The following AKAP6 variants were observed in gnomAD, a reference collection of about 807,000 sequenced individuals.
The protein encoded by AKAP6 is A-kinase anchoring protein 6, also known as A-kinase anchor protein 6.
In AKAP6, 58 loss-of-function variants were observed where a neutral mutation model predicts 188.5. The ratio of observed to expected loss-of-function variants is 0.31; its 90% CI spans 0.25 to 0.38. AKAP6 has a LOEUF of 0.38. Among genes scored for constraint, AKAP6 ranks in the 10% least tolerant of loss-of-function variants. The pLI, the probability that AKAP6 is intolerant of heterozygous loss-of-function variation, is 1.00. For synonymous variants in AKAP6, 989 were observed against 998.6 expected (o/e 0.99, Z 0.18); for missense variants, 2,710 against 2,740.0 (o/e 0.99, Z 0.24).
intron 4 of AKAP6, among the ~76,000 whole-genome samples, chr14:32,563,726 C>T (rs1242323736): frequency 6.6e-6 from 1 of 151,868 alleles, no homozygotes; most frequent in African/African-American, 2.4e-5. Context: ...TCTGCCTTGT[C>T]TTCCTGCCTT....
chr14:32,565,456 C>T (rs569540929), intron 4 of AKAP6, among the ~76,000 whole-genome samples: 18 of 152,278 alleles, frequency 1.2e-4, no homozygotes, highest in African/African-American at 4.3e-4. Flanking sequence ...TCCATTCTAC[C>T]TTTGAGTACT....
At chr14:32,674,673 G>T (rs1289268758) in intron 7 of AKAP6, among the ~76,000 whole-genome samples, 1 of 152,150 alleles carries the variant, frequency 6.6e-6, no homozygotes, top group Admixed American at 6.6e-5. Flanking sequence ...TGAGAATGAA[G>T]GGTTCTGTTT....
At chr14:32,587,664 T>A (rs1885310423) in intron 5 of AKAP6, among the ~76,000 whole-genome samples, 1 of 152,142 alleles carries the variant, frequency 6.6e-6, no homozygotes, top group Non-Finnish European at 1.5e-5. Context: ...GCCGTTCTCT[T>A]TTTGAGGCTC....
intron 12 of AKAP6, among the ~76,000 whole-genome samples, chr14:32,789,830 A>G (rs969495234): frequency 2.0e-5 from 3 of 152,172 alleles, no homozygotes; most frequent in African/African-American, 7.2e-5. Flanking sequence ...TATGACTGCA[A>G]CACCTCTCCA....
At chr14:32,403,791 G>T (rs1399472357) in intron 1 of AKAP6, among the ~76,000 whole-genome samples, 8 of 152,182 alleles carry the variant, frequency 5.3e-5, no homozygotes, top group African/African-American at 1.7e-4. Flanking sequence ...TTTTGTTGTT[G>T]TTCAACTGTA....
chr14:32,377,119 C>T (rs1448875542), intron 1 of AKAP6, among the ~76,000 whole-genome samples: 1 of 152,226 alleles, frequency 6.6e-6, no homozygotes, highest in Non-Finnish European at 1.5e-5. Flanking sequence ...GTCCTGGAAA[C>T]ATCACTTTTC....
intron 11 of AKAP6, among the ~76,000 whole-genome samples, chr14:32,748,248 C>A (rs996019823): frequency 3.9e-5 from 6 of 152,276 alleles, no homozygotes; most frequent in African/African-American, 1.4e-4. Context: ...AGTTTAGAGG[C>A]TTAAGTGTGG....
Position 32,836,109 on chromosome 14 carries a change from T to G in AKAP6, c.*6304T>G, listed in dbSNP as rs1420875685. The G allele has an allele frequency of 6.6e-6, 1 of 152,258 alleles. No individual in the cohort carries two copies. Among genetic ancestry groups the G allele is most frequent in the African/African-American group, 2.4e-5 (1 of 41,472 alleles). 9.4% of individuals were successfully genotyped at this position (152,258 alleles called of 1,614,324 possible). On this transcript the variant is annotated 3_prime_UTR_variant, in exon 14 of 14. Coordinates refer to ENST00000280979, the MANE Select transcript of AKAP6 (RefSeq NM_004274.5). ...CATTGCCTGCATAAAGCAACTCTTT[T>G]GTCTCTTTTCCATTGCAACACACAG...
chr14:32,811,241 G>GAAAAAAAAAAAAAAAAAAAAAAAAAAA (rs529886144), intron 12 of AKAP6, among the ~76,000 whole-genome samples: 5 of 55,598 alleles, frequency 9.0e-5, no homozygotes, highest in Admixed American at 1.5e-4. Context: ...TCCGTCTCAG[G>GAAAAAAAAAAAAAAAAAAAAAAAAAAA]AAAAAAAAAA....
At chr14:32,574,747 T>A (rs1566583564) in intron 4 of AKAP6, among the ~76,000 whole-genome samples, 1 of 152,210 alleles carries the variant, frequency 6.6e-6, no homozygotes, top group Non-Finnish European at 1.5e-5. Flanking sequence ...AAAAACTGTT[T>A]AATGCTGCAA....
At chr14:32,506,648 A>G (rs1486010868) in intron 2 of AKAP6, among the ~76,000 whole-genome samples, 1 of 152,078 alleles carries the variant, frequency 6.6e-6, no homozygotes, top group African/African-American at 2.4e-5. Context: ...TTCAAGAACT[A>G]TGACTTTTGT....
chr14:32,608,146 T>C (rs1250275270), intron 7 of AKAP6, among the ~76,000 whole-genome samples: 1 of 151,888 alleles, frequency 6.6e-6, no homozygotes, highest in Non-Finnish European at 1.5e-5. Context: ...CTGAAAAAAA[T>C]GGTTGGGAAA....
chr14:32,341,826 G>A (rs1886898853), intron 1 of AKAP6, among the ~76,000 whole-genome samples: 3 of 152,052 alleles, frequency 2.0e-5, no homozygotes, highest in South Asian at 4.1e-4. Context: ...TTCGAGACCA[G>A]CCTGAGCAAA....
At position 32,823,504 on chromosome 14, in the gene AKAP6, C is replaced by T; in HGVS notation, c.5691C>T (p.Gly1897=). 6.2e-7 allele frequency: 1 copy of T among 1,613,556 alleles called. No individual in the cohort carries two copies. Among genetic ancestry groups the T allele is most frequent in the Non-Finnish European group, 8.5e-7 (1 of 1,179,802 alleles). The change falls in exon 13 of 14, where the codon GGC becomes GGT. Residue 1897 remains glycine (G), a synonymous_variant. Transcript: ENST00000280979. ...CATATGTGGCTGACATGGAAAATGG[C>T]AATATTGAAGGTATTCCAGAAAGGC... ...KDPYVADMEN[G]NIEGIPERQK...
At chr14:32,527,758 G>A (rs1253392864) in intron 2 of AKAP6, among the ~76,000 whole-genome samples, 1 of 152,086 alleles carries the variant, frequency 6.6e-6, no homozygotes, top group Non-Finnish European at 1.5e-5. Context: ...TTTCTTTGGT[G>A]AGGCATCTGT....
At chr14:32,354,547 A>G (rs571664184) in intron 1 of AKAP6, among the ~76,000 whole-genome samples, 14 of 152,322 alleles carry the variant, frequency 9.2e-5, no homozygotes, top group African/African-American at 2.2e-4. Flanking sequence ...AATTCAACCC[A>G]TCTTCCAGGG....
At chr14:32,798,085 A>G (rs1046767987) in intron 12 of AKAP6, among the ~76,000 whole-genome samples, 7 of 152,240 alleles carry the variant, frequency 4.6e-5, no homozygotes, top group Admixed American at 2.6e-4. Flanking sequence ...TGAGCAAAGG[A>G]CATGAACAGA....
chr14:32,755,147 T>C (rs931814822), intron 11 of AKAP6, among the ~76,000 whole-genome samples: 13 of 152,218 alleles, frequency 8.5e-5, no homozygotes, highest in East Asian at 7.7e-4. Context: ...ATTGGTTCAC[T>C]TGGTGTGGCT....
At chr14:32,714,791 C>G (rs149936835) in intron 9 of AKAP6, among the ~76,000 whole-genome samples, 2 of 151,894 alleles carry the variant, frequency 1.3e-5, no homozygotes, top group South Asian at 2.1e-4. Context: ...ATATGAGCAA[C>G]CTTTTCTTAC....
Sources: gnomAD v4.1 joint callset for allele counts (sites outside exome capture counted in the v4.1 genomes callset) on GRCh38, gnomAD v4.1.1 for gene constraint, MANE v1.5 for transcripts, NCBI Gene and HGNC (gene_info 2026-07-23, HGNC 2026-07-21) for gene names.